GALNT13: variants seen among roughly 807,000 people sequenced by gnomAD.
GALNT13 encodes the protein UDP-GalNAc:polypeptide N-acetylgalactosaminyltransferase 13.
A neutral mutation model predicts 64.2 loss-of-function variants in GALNT13; 28 were observed. The observed-to-expected ratio is 0.44, with a 90% CI of 0.32 to 0.60. The LOEUF is 0.60. GALNT13 is among the 20% of genes least tolerant of loss of function. The probability of loss-of-function intolerance (pLI) is 0.05; values close to 1 mark genes in which losing one functional copy is unlikely to be tolerated. For synonymous variants in GALNT13, 214 were observed against 224.6 expected (o/e 0.95, Z 0.42); for missense variants, 577 against 669.8 (o/e 0.86, Z 1.53).
At chr2:153,240,246 G>A in the GALNT13 span, among the ~76,000 whole-genome samples, 1 of 151,558 alleles carries the variant, frequency 6.6e-6, no homozygotes, top group Non-Finnish European at 1.5e-5. Context: ...AATCAATTTT[G>A]TTTATTTTTT....
the GALNT13 span, among the ~76,000 whole-genome samples, chr2:153,777,689 T>C: frequency 6.6e-6 from 1 of 152,150 alleles, no homozygotes; most frequent in East Asian, 1.9e-4. Context: ...AGTGCCTCAC[T>C]GCTCACACCT....
the GALNT13 span, among the ~76,000 whole-genome samples, chr2:153,615,788 G>C: frequency 6.6e-6 from 1 of 151,910 alleles, no homozygotes; most frequent in East Asian, 1.9e-4. Flanking sequence ...CAGATTATTA[G>C]ATTTTTTTCT....
In GALNT13 at chr2:154,022,438, G is replaced by A. The variant is rs189599712; in HGVS notation, c.142+77799G>A. On this transcript the variant is annotated intron_variant, in intron 3 of 12. Transcript: ENST00000392825. Reference sequence around the variant, plus strand: ...TTAGTCTTGGGAGGATGTATGTGTCGAGGAATTTATCCATTTCTTCTAGAT... The same window carrying A: ...TTAGTCTTGGGAGGATGTATGTGTCAAGGAATTTATCCATTTCTTCTAGAT... 2.2e-4 allele frequency among the ~76,000 whole-genome samples: 33 copies of A among 152,172 alleles called. No individual in the cohort carries two copies. In the East Asian group the frequency reaches 2.3e-3, roughly 11 times the overall value.
At chr2:154,237,376 A>G (rs1689246521) in intron 4 of GALNT13, among the ~76,000 whole-genome samples, 1 of 151,580 alleles carries the variant, frequency 6.6e-6, no homozygotes, top group South Asian at 2.1e-4. Flanking sequence ...CAAGTAGAAT[A>G]GATTATTAGC....
At chr2:153,699,873 CA>C in the GALNT13 span, among the ~76,000 whole-genome samples, 1 of 152,196 alleles carries the variant, frequency 6.6e-6, no homozygotes, top group African/African-American at 2.4e-5. Flanking sequence ...AAAAAAAGCC[CA>C]GGACTAGATC....
At chr2:153,268,250 C>T in the GALNT13 span, among the ~76,000 whole-genome samples, 1 of 152,196 alleles carries the variant, frequency 6.6e-6, no homozygotes. Flanking sequence ...AGTAAATACA[C>T]CTCTTCCAAA....
intron 8 of GALNT13, among the ~76,000 whole-genome samples, chr2:154,283,019 G>A (rs1456999947): frequency 6.6e-6 from 1 of 152,174 alleles, no homozygotes; most frequent in Admixed American, 6.5e-5. Context: ...AATGCCTACT[G>A]TAACCTTTAT....
Position 153,946,183 on chromosome 2 carries a change from C to A in GALNT13, c.142+1544C>A, listed in dbSNP as rs530572676. Among the ~76,000 whole-genome samples, 5 of 152,088 alleles carry A rather than the reference C, an allele frequency of 3.3e-5. No individual in the cohort carries two copies. In the East Asian group the frequency reaches 9.7e-4, roughly 29 times the overall value. On this transcript the variant is annotated intron_variant, in intron 3 of 12. Coordinates refer to ENST00000392825, the MANE Select transcript of GALNT13 (RefSeq NM_052917.4). ...ATTACATCAGTTTGGAATGATCACT[C>A]TGTCATTTGTTGAAGGAAACCATCT...
chr2:154,114,165 T>C (rs139395644), intron 3 of GALNT13, among the ~76,000 whole-genome samples: 1 of 152,260 alleles, frequency 6.6e-6, no homozygotes, highest in East Asian at 1.9e-4. Flanking sequence ...ATATTGTTTT[T>C]TATTTACCAT....
chr2:153,415,824 C>T, the GALNT13 span, among the ~76,000 whole-genome samples: 1 of 152,016 alleles, frequency 6.6e-6, no homozygotes, highest in Non-Finnish European at 1.5e-5. Context: ...TTATGTTTCT[C>T]TGTCTATTGT....
At chr2:154,198,051 C>G (rs191675580) in intron 4 of GALNT13, among the ~76,000 whole-genome samples, 9 of 151,810 alleles carry the variant, frequency 5.9e-5, no homozygotes, top group African/African-American at 2.2e-4. Context: ...TATTCCCAGA[C>G]ATAACATTGA....
intron 5 of GALNT13, 141 bp from the exon 6 acceptor site, chr2:154,242,557 A>G: frequency 1.6e-6 from 1 of 614,104 alleles, no homozygotes; most frequent in Non-Finnish European, 2.9e-6. Context: ...TGAAATCTCT[A>G]TTATTTTATA....
At chr2:154,056,235 G>A (rs1699887202) in intron 3 of GALNT13, among the ~76,000 whole-genome samples, 1 of 152,114 alleles carries the variant, frequency 6.6e-6, no homozygotes, top group Admixed American at 6.6e-5. Context: ...TGTTGAGTTT[G>A]TCATTCTCCA....
intron 4 of GALNT13, among the ~76,000 whole-genome samples, chr2:154,142,549 CA>C (rs71396392): frequency 0.16 from 10,488 of 66,580 alleles, 184 homozygotes; most frequent in South Asian, 0.26. Context: ...AACTCTGTCT[CA>C]AAAAAAAAAA....
chr2:153,112,719 C>A, the GALNT13 span, among the ~76,000 whole-genome samples: 1 of 152,026 alleles, frequency 6.6e-6, no homozygotes, highest in East Asian at 1.9e-4. Flanking sequence ...CATTTTAACA[C>A]CCTCACTTGA....
the GALNT13 span, among the ~76,000 whole-genome samples, chr2:153,226,692 G>A: frequency 3.0e-4 from 46 of 152,280 alleles, no homozygotes; most frequent in East Asian, 7.5e-3. Context: ...AACTGTTATA[G>A]TCAGGAGAAG....
At chr2:153,558,877 G>A in the GALNT13 span, among the ~76,000 whole-genome samples, 1 of 152,140 alleles carries the variant, frequency 6.6e-6, no homozygotes, top group African/African-American at 2.4e-5. Flanking sequence ...GTGGACACTG[G>A]AAATTTCATA....
intron 3 of GALNT13, among the ~76,000 whole-genome samples, chr2:154,101,773 T>TAG (rs1176181329): frequency 6.6e-6 from 1 of 152,112 alleles, no homozygotes; most frequent in East Asian, 1.9e-4. Context: ...CTTTTTGGTG[T>TAG]AGACATTTAA....
chr2:153,102,403 T>C, the GALNT13 span, among the ~76,000 whole-genome samples: 7 of 152,196 alleles, frequency 4.6e-5, no homozygotes, highest in Non-Finnish European at 1.0e-4. Flanking sequence ...GAAGGTAAAT[T>C]ATTCTGTTAA....
Sources: allele counts gnomAD v4.1 joint callset (sites outside exome capture counted in the v4.1 genomes callset), GRCh38; gene constraint gnomAD v4.1.1; transcripts MANE v1.5; gene names NCBI Gene and HGNC (gene_info 2026-07-23, HGNC 2026-07-21).